Variants in UBXN7 observed in about 807,000 individuals in gnomAD.
UBXN7 encodes UBX domain-containing protein 7.
Under a neutral mutation model 58.0 loss-of-function variants are expected in UBXN7, and 9 were observed. The ratio of observed to expected loss-of-function variants is 0.16; its 90% CI spans 0.09 to 0.27. The LOEUF (loss-of-function observed/expected upper bound fraction) is 0.27. Among genes scored for constraint, UBXN7 ranks in the 10% least tolerant of loss-of-function variants. The pLI is 1.00. For missense variants in UBXN7, 328 were observed against 599.6 expected, an observed-to-expected ratio of 0.55 and a Z score of 4.73; for synonymous variants, 208 against 205.0, an observed-to-expected ratio of 1.01 and a Z score of -0.12.
At chr3:196,370,459 TAAAAAAAAAAAG>T (rs1728792602) in intron 6 of UBXN7, among the ~76,000 whole-genome samples, 1 of 131,626 alleles carries the variant, frequency 7.6e-6, no homozygotes, top group Non-Finnish European at 1.6e-5. Context: ...TCCATTTATT[TAAAAAAAAAAAG>T]AAAAAAGAAA....
intron 3 of UBXN7, among the ~76,000 whole-genome samples, chr3:196,402,115 G>A (rs1050999554): frequency 1.3e-5 from 2 of 152,008 alleles, no homozygotes; most frequent in African/African-American, 4.8e-5. Context: ...TCAGCCTCCC[G>A]GTTTAAGCAA....
intron 7 of UBXN7, among the ~76,000 whole-genome samples, chr3:196,369,171 A>G (rs543845167): frequency 2.0e-5 from 3 of 152,358 alleles, no homozygotes; most frequent in Admixed American, 6.5e-5. Context: ...AGATGAACAT[A>G]TCAGTTATTC....
intron 5 of UBXN7, among the ~76,000 whole-genome samples, chr3:196,373,985 T>C (rs1376641936): frequency 6.6e-6 from 1 of 152,222 alleles, no homozygotes; most frequent in Non-Finnish European, 1.5e-5. Flanking sequence ...TTTTAAAATA[T>C]ACAAATATAA....
intron 6 of UBXN7, 108 bp from the exon 7 acceptor site, chr3:196,369,619 ATGT>A (rs1728763602): frequency 2.7e-6 from 2 of 741,272 alleles, no homozygotes; most frequent in Admixed American, 5.4e-5. Context: ...CCTCCGGCCT[ATGT>A]ATTAAGATCT....
At chr3:196,366,891 G>GA (rs1258088628) in intron 8 of UBXN7, among the ~76,000 whole-genome samples, 1 of 151,666 alleles carries the variant, frequency 6.6e-6, no homozygotes, top group South Asian at 2.1e-4. Flanking sequence ...CCTGCCCAAA[G>GA]AAAAAAACAG....
Position 196,352,957 on chromosome 3 carries a change from A to G in UBXN7, c.*3728T>C, listed in dbSNP as rs1276012220. The G allele has an allele frequency of 2.0e-5, 3 of 152,258 alleles. No individual in the cohort carries two copies. The East Asian group carries it at 5.8e-4, about 29-fold the overall frequency. 9.4% of individuals were successfully genotyped at this position (152,258 alleles called of 1,614,324 possible). A position where few individuals can be genotyped will look rare whatever the true frequency, so the allele number is the denominator to read the frequency against. On this transcript the variant is annotated 3_prime_UTR_variant, in exon 11 of 11. Transcript: ENST00000296328. This position sits in a 1 kb window ranked among gnomAD's most constrained non-coding sequence, Gnocchi z 4.1. ...CCCTTTTCATTTATTCTTGGCAAATAATGCCACGTGGCAATTTTACTTTCA... is the reference window on the plus strand; with the variant it reads ...CCCTTTTCATTTATTCTTGGCAAATGATGCCACGTGGCAATTTTACTTTCA...
chr3:196,419,317 T>C (rs568870237), intron 1 of UBXN7, among the ~76,000 whole-genome samples: 14 of 149,836 alleles, frequency 9.3e-5, no homozygotes, highest in East Asian at 3.9e-4. Flanking sequence ...AATAAATAAA[T>C]AAATAAACAA....
intron 1 of UBXN7, among the ~76,000 whole-genome samples, chr3:196,421,225 G>C (rs1188307050): frequency 6.6e-6 from 1 of 152,184 alleles, no homozygotes; most frequent in Non-Finnish European, 1.5e-5. Flanking sequence ...AGGAACCAAT[G>C]GTGCAGGAAG....
chr3:196,373,864 T>A (rs1259647960), intron 5 of UBXN7, among the ~76,000 whole-genome samples: 1 of 152,204 alleles, frequency 6.6e-6, no homozygotes, highest in Non-Finnish European at 1.5e-5. Flanking sequence ...AGCCCCAGAA[T>A]AAATTATCTT....
intron 5 of UBXN7, among the ~76,000 whole-genome samples, chr3:196,381,365 G>A (rs1423029048): frequency 1.3e-5 from 2 of 152,216 alleles, no homozygotes; most frequent in African/African-American, 4.8e-5. Flanking sequence ...TGAAACTCCT[G>A]CAAACTCCAA....
chr3:196,373,754 C>T (rs1319875477), intron 5 of UBXN7, among the ~76,000 whole-genome samples: 1 of 151,934 alleles, frequency 6.6e-6, no homozygotes, highest in Non-Finnish European at 1.5e-5. Context: ...ACAGGGGTTT[C>T]ACTATGTTAG....
chr3:196,366,016 A>T (rs1476141400), intron 8 of UBXN7, among the ~76,000 whole-genome samples: 1 of 152,200 alleles, frequency 6.6e-6, no homozygotes, highest in African/African-American at 2.4e-5. Flanking sequence ...AAACGACATT[A>T]TAAAGCATTA....
chr3:196,377,787 C>T (rs529457004), intron 5 of UBXN7, among the ~76,000 whole-genome samples: 1 of 152,112 alleles, frequency 6.6e-6, no homozygotes, highest in African/African-American at 2.4e-5. Flanking sequence ...CTACCCCAGC[C>T]TCCTGAGTAG....
chr3:196,359,905 C>CA (rs772190398), intron 10 of UBXN7, among the ~76,000 whole-genome samples: 2,461 of 113,948 alleles, frequency 0.022, 24 homozygotes, highest in Admixed American at 0.028. Context: ...GACTCTGTCT[C>CA]AAAAAAAAAA....
intron 3 of UBXN7, among the ~76,000 whole-genome samples, chr3:196,401,387 T>TA (rs1254180239): frequency 2.0e-5 from 3 of 146,488 alleles, no homozygotes; most frequent in Non-Finnish European, 4.5e-5. Context: ...GTTTATCTCA[T>TA]AAAAACTCTC....
rs1344303249 is a variant in UBXN7 at position 196,349,087 on chromosome 3, GAAGCCCCTC to G, written c.*7589_*7597del. 2 of 152,228 alleles carry G rather than the reference GAAGCCCCTC, an allele frequency of 1.3e-5. No homozygotes were observed. The highest frequency in any genetic ancestry group is 2.9e-5 in the Non-Finnish European group (2 of 68,046). The allele number at this position is 152,228 out of a possible 1,614,324, so 9.4% of individuals were successfully genotyped here. Reference sequence around the variant, plus strand: ...ACAGATTCATGCCAAAGCTTGGATGGAAGCCCCTCAAAGTCTAAGTATCGTGTTAGCATC... The same window carrying G: ...ACAGATTCATGCCAAAGCTTGGATGGAAAGTCTAAGTATCGTGTTAGCATC... On this transcript the variant is annotated 3_prime_UTR_variant, in exon 11 of 11. Transcript: ENST00000296328.
chr3:196,359,229 T>C (rs550810453), intron 10 of UBXN7, among the ~76,000 whole-genome samples: 1 of 152,332 alleles, frequency 6.6e-6, no homozygotes, highest in African/African-American at 2.4e-5. Context: ...TTACCTTTGA[T>C]GTTACTATTC....
intron 1 of UBXN7, among the ~76,000 whole-genome samples, chr3:196,427,935 C>A (rs1326136920): frequency 6.6e-6 from 1 of 152,002 alleles, no homozygotes; most frequent in Non-Finnish European, 1.5e-5. Flanking sequence ...ACCAGCTTGC[C>A]CAACATGGTG....
At position 196,356,082 on chromosome 3, in the gene UBXN7, T is replaced by C. The variant is rs898631940; in HGVS notation, c.*603A>G. On this transcript the variant is annotated 3_prime_UTR_variant, in exon 11 of 11. Transcript: ENST00000296328. ...TTATAGCTGGGAACATGAAAATCCT[T>C]TGAAAAAGGTTTTTAAGTATGATGA... is the stretch of plus-strand genomic sequence containing the variant. 6.6e-6 allele frequency: 1 copy of C among 152,666 alleles called. No homozygotes were observed. Among genetic ancestry groups the C allele is most frequent in the African/African-American group, 2.4e-5 (1 of 41,468 alleles). The allele number at this position is 152,666 out of a possible 1,614,324, so 9.5% of individuals were successfully genotyped here. A position where few individuals can be genotyped will look rare whatever the true frequency, so the allele number is the denominator to read the frequency against.
Sources: allele counts gnomAD v4.1 joint callset (sites outside exome capture counted in the v4.1 genomes callset), GRCh38; gene constraint gnomAD v4.1.1; non-coding constraint Gnocchi (gnomAD v3.1); transcripts MANE v1.5; gene names NCBI Gene and HGNC (gene_info 2026-07-23, HGNC 2026-07-21).